Variants in DGKI observed in about 807,000 individuals in gnomAD.
DGKI encodes the protein DAG kinase iota.
A neutral mutation model predicts 147.5 loss-of-function variants in DGKI; 55 were observed. The ratio of observed to expected loss-of-function variants is 0.37; its 90% CI spans 0.30 to 0.47. The LOEUF is 0.47. Among genes scored for constraint, DGKI ranks in the 20% least tolerant of loss-of-function variants. The pLI, the probability that DGKI is intolerant of heterozygous loss-of-function variation, is 1.00. For synonymous variants in DGKI, 469 were observed against 477.1 expected, an observed-to-expected ratio of 0.98 and a Z score of 0.22; for missense variants, 1,007 against 1,323.8, an observed-to-expected ratio of 0.76 and a Z score of 3.71.
At chr7:137,703,531 G>A (rs1824056511) in intron 1 of DGKI, among the ~76,000 whole-genome samples, 1 of 152,154 alleles carries the variant, frequency 6.6e-6, no homozygotes, top group African/African-American at 2.4e-5. Context: ...TTGAAGACAT[G>A]CCCCACAATT....
chr7:137,583,147 T>C (rs1819264256), intron 14 of DGKI, among the ~76,000 whole-genome samples: 1 of 152,176 alleles, frequency 6.6e-6, no homozygotes, highest in African/African-American at 2.4e-5. Flanking sequence ...GCTTGGTCTC[T>C]AATGAAAGTA....
At chr7:137,483,973 C>T (rs1478091249) in intron 23 of DGKI, among the ~76,000 whole-genome samples, 1 of 151,950 alleles carries the variant, frequency 6.6e-6, no homozygotes, top group African/African-American at 2.4e-5. Flanking sequence ...GAAAGTTGTG[C>T]TCTATCTAAA....
chr7:137,529,435 A>G (rs59024585), intron 20 of DGKI, among the ~76,000 whole-genome samples: 9,140 of 152,198 alleles, frequency 0.06, 679 homozygotes, highest in African/African-American at 0.18. Context: ...TTCTGTTCAA[A>G]GGAAAAACTT....
At chr7:137,540,797 ATGGCTCCAAAAACATG>A (rs1817674143) in intron 20 of DGKI, among the ~76,000 whole-genome samples, 1 of 144,792 alleles carries the variant, frequency 6.9e-6, no homozygotes. Flanking sequence ...AACATTTACA[ATGGCTCCAAAAACATG>A]AACTACTTAG....
chr7:137,471,370 G>C (rs1814879474), intron 23 of DGKI, among the ~76,000 whole-genome samples: 1 of 152,162 alleles, frequency 6.6e-6, no homozygotes, highest in Non-Finnish European at 1.5e-5. Context: ...GAGGGGACAG[G>C]AGAAGAAAAC....
intron 1 of DGKI, among the ~76,000 whole-genome samples, chr7:137,736,793 A>C (rs1795035968): frequency 6.6e-6 from 1 of 152,120 alleles, no homozygotes; most frequent in South Asian, 2.1e-4. Context: ...GATTTTGTCA[A>C]TCAAGACCTT....
intron 3 of DGKI, among the ~76,000 whole-genome samples, chr7:137,662,582 G>T (rs1483701557): frequency 6.6e-6 from 1 of 152,044 alleles, no homozygotes; most frequent in Admixed American, 6.6e-5. Context: ...CACTCATTCT[G>T]TCTATGACAA....
At chr7:137,622,893 T>C (rs1820799941) in intron 7 of DGKI, among the ~76,000 whole-genome samples, 1 of 152,218 alleles carries the variant, frequency 6.6e-6, no homozygotes, top group Non-Finnish European at 1.5e-5. Flanking sequence ...CATCAGATCC[T>C]AATGAGTATA....
rs1814272661 is a variant in DGKI at position 137,457,991 on chromosome 7, G to A, written c.2735+5498C>T. On this transcript the variant is annotated intron_variant, in intron 27 of 32. Coordinates refer to ENST00000614521, the MANE Select transcript of DGKI (RefSeq NM_001321708.2). ...ACACTCTATGCATATATCCATAATA[G>A]CACTTATTAGAAGGAACTTTAATAA... Among the ~76,000 whole-genome samples the A allele has an allele frequency of 2.6e-5, 4 of 151,336 alleles. 1 individual carries two copies. The South Asian group carries it at 8.3e-4, about 32-fold the overall frequency.
intron 21 of DGKI, among the ~76,000 whole-genome samples, chr7:137,514,398 C>T (rs979428707): frequency 3.9e-5 from 6 of 152,162 alleles, no homozygotes; most frequent in African/African-American, 1.4e-4. Context: ...TCCACAATCT[C>T]GTGAGGCTAC....
chr7:137,820,279 C>T (rs934376819), intron 1 of DGKI, among the ~76,000 whole-genome samples: 4 of 152,236 alleles, frequency 2.6e-5, no homozygotes, highest in Non-Finnish European at 4.4e-5. Context: ...AATCAGCACA[C>T]TTTGTCAGAC....
intron 27 of DGKI, among the ~76,000 whole-genome samples, chr7:137,457,829 T>C (rs751300529): frequency 6.6e-6 from 1 of 152,082 alleles, no homozygotes. Flanking sequence ...AAAATACACA[T>C]AGAACACTTA....
At chr7:137,418,434 A>G (rs1812439829) in intron 28 of DGKI, among the ~76,000 whole-genome samples, 1 of 152,200 alleles carries the variant, frequency 6.6e-6, no homozygotes. Flanking sequence ...GCATATGACT[A>G]CTTCTGAAGG....
At chr7:137,801,100 C>T (rs1797191703) in intron 1 of DGKI, among the ~76,000 whole-genome samples, 1 of 152,232 alleles carries the variant, frequency 6.6e-6, no homozygotes, top group Admixed American at 6.5e-5. Context: ...TTGTTCTATA[C>T]TGTCTAATAC....
chr7:137,491,368 C>T (rs373505844), intron 21 of DGKI, among the ~76,000 whole-genome samples: 1 of 152,090 alleles, frequency 6.6e-6, no homozygotes, highest in African/African-American at 2.4e-5. Flanking sequence ...GCAGCCAGAA[C>T]CTTACTTTCT....
rs1815001434 is a variant in DGKI at position 137,472,383 on chromosome 7, ATATACAT to A, written c.2374-2771_2374-2765del. 3.5e-5 allele frequency among the ~76,000 whole-genome samples: 4 copies of A among 115,030 alleles called. 1 individual carries two copies. Among genetic ancestry groups the A allele is most frequent in the Admixed American group, 9.6e-5 (1 of 10,462 alleles). The allele number at this position is 115,030 out of a possible 152,430, so 75.5% of individuals were successfully genotyped here. ...ATATACATATAATTATTATATGTAT[ATATACAT>A]ATTATAATTATTATATGTATATATA... On this transcript the variant is annotated intron_variant, in intron 23 of 32. Coordinates refer to ENST00000614521, the MANE Select transcript of DGKI (RefSeq NM_001321708.2).
intron 28 of DGKI, among the ~76,000 whole-genome samples, chr7:137,417,186 T>C (rs1337706861): frequency 6.6e-6 from 1 of 152,204 alleles, no homozygotes; most frequent in Non-Finnish European, 1.5e-5. Flanking sequence ...TCCTTCATAC[T>C]AAGGAAACAA....
chr7:137,799,364 T>C (rs1051208328), intron 1 of DGKI, among the ~76,000 whole-genome samples: 2 of 152,134 alleles, frequency 1.3e-5, no homozygotes, highest in African/African-American at 4.8e-5. Flanking sequence ...AACGGGGAAG[T>C]GACTATTAAT....
intron 20 of DGKI, among the ~76,000 whole-genome samples, chr7:137,547,537 TTTATA>T (rs1418434600): frequency 6.6e-6 from 1 of 152,152 alleles, no homozygotes; most frequent in Non-Finnish European, 1.5e-5. Flanking sequence ...TGATATTAGT[TTTATA>T]TTCACAAAAT....
Sources: allele counts gnomAD v4.1 joint callset (sites outside exome capture counted in the v4.1 genomes callset), GRCh38; gene constraint gnomAD v4.1.1; transcripts MANE v1.5; gene names NCBI Gene and HGNC (gene_info 2026-07-23, HGNC 2026-07-21).